The following HACE1 variants were observed in gnomAD, a reference collection of about 807,000 sequenced individuals.
The protein encoded by HACE1 is HECT domain and ankyrin repeat containing E3 ubiquitin protein ligase 1.
In HACE1, 73 loss-of-function variants were observed where a neutral mutation model predicts 118.4. The observed-to-expected ratio is 0.62, with a 90% CI of 0.51 to 0.75. HACE1 has a LOEUF of 0.75. Ranked by LOEUF, HACE1 falls within the 30% of genes least tolerant of loss-of-function variation. The probability of loss-of-function intolerance (pLI) is 0.00; values close to 1 mark genes in which losing one functional copy is unlikely to be tolerated. For missense variants in HACE1, 749 were observed against 1,102.2 expected, an observed-to-expected ratio of 0.68 and a Z score of 4.54; for synonymous variants, 368 against 374.8, an observed-to-expected ratio of 0.98 and a Z score of 0.21.
chr6:104,780,295 C>T, intron 14 of HACE1: 3 of 427,276 alleles, frequency 7.0e-6, no homozygotes, highest in Admixed American at 5.6e-5. Context: ...CACACACACA[C>T]ATACAAACAC....
At chr6:104,770,122 G>A (rs185466981) in intron 19 of HACE1, among the ~76,000 whole-genome samples, 1 of 151,988 alleles carries the variant, frequency 6.6e-6, no homozygotes, top group East Asian at 1.9e-4. Context: ...TAAATCTATA[G>A]TTTAAAAAAT....
chr6:104,771,406 T>A lies in HACE1; in HGVS notation c.2015-17A>T. The A allele has an allele frequency of 6.5e-7, 1 of 1,547,754 alleles. No homozygotes were observed. Among genetic ancestry groups the A allele is most frequent in the African/African-American group, 1.4e-5 (1 of 73,736 alleles). ...CAGGAATACCTAAAAAATGCAAACA[T>A]ACAGCAGTTATAGTCTGGTTTTGCC... On this transcript the variant is annotated splice_polypyrimidine_tract_variant and intron_variant, in intron 18 of 23. Transcript: ENST00000262903.
intron 5 of HACE1, among the ~76,000 whole-genome samples, chr6:104,841,931 C>A (rs940896141): frequency 6.6e-6 from 1 of 152,154 alleles, no homozygotes; most frequent in African/African-American, 2.4e-5. Flanking sequence ...ATATCCCATA[C>A]CACCTCCATG....
At chr6:104,758,066 A>G (rs1272815436) in intron 19 of HACE1, among the ~76,000 whole-genome samples, 1 of 152,198 alleles carries the variant, frequency 6.6e-6, no homozygotes, top group Non-Finnish European at 1.5e-5. Flanking sequence ...CCAAATATAC[A>G]TTTGATTGGT....
In HACE1 at chr6:104,849,375, C is replaced by G. The variant is rs369660108; in HGVS notation, c.222-129G>C. ...TGTTTTTCAGACAGTCTTGCTCTGTCGCCCATGCTGGAGTGCAGTGGCACC... is the reference window on the plus strand; with the variant it reads ...TGTTTTTCAGACAGTCTTGCTCTGTGGCCCATGCTGGAGTGCAGTGGCACC... On this transcript the variant is annotated intron_variant, in intron 3 of 23. Coordinates refer to ENST00000262903, the MANE Select transcript of HACE1 (RefSeq NM_020771.4). The G allele has an allele frequency of 2.1e-4, 153 of 711,896 alleles. No homozygotes were observed. In the African/African-American group the frequency reaches 2.2e-3, roughly 10 times the overall value. 44.1% of individuals were successfully genotyped at this position (711,896 alleles called of 1,614,324 possible). A position where few individuals can be genotyped will look rare whatever the true frequency, so the allele number is the denominator to read the frequency against.
chr6:104,756,521 C>A (rs916014495), intron 19 of HACE1, among the ~76,000 whole-genome samples: 1 of 151,490 alleles, frequency 6.6e-6, no homozygotes, highest in Non-Finnish European at 1.5e-5. Flanking sequence ...AATCCTATTA[C>A]TTCAGCTTCC....
Position 104,777,103 on chromosome 6 carries a change from A to G in HACE1, c.1686T>C (p.Ile562=), listed in dbSNP as rs149983249. The G allele has an allele frequency of 1.3e-4, 203 of 1,604,546 alleles. No homozygotes were observed. In the Middle Eastern group the frequency reaches 4.7e-3, roughly 37 times the overall value. The change falls in exon 16 of 24, where the codon ATT becomes ATC. Residue 562 remains isoleucine, a synonymous_variant. Transcript: ENST00000262903. ...NDILLVHRDS[I]FRSSCEVVSK... ...ACACAACTTCACAGCTACTCCTAAA[A>G]ATAGAATCTAAATATGTAGCATTGG...
intron 1 of HACE1, among the ~76,000 whole-genome samples, chr6:104,857,418 G>A (rs1193565258): frequency 6.6e-6 from 1 of 151,562 alleles, no homozygotes; most frequent in Non-Finnish European, 1.5e-5. Flanking sequence ...GGGCACTCTC[G>A]GACTGCTGGT....
intron 18 of HACE1, 116 bp downstream of exon 18, chr6:104,771,809 G>T: frequency 1.3e-6 from 1 of 766,756 alleles, no homozygotes; most frequent in Non-Finnish European, 2.2e-6. Flanking sequence ...ATACAGATGG[G>T]CTCCAATCAA....
rs1049013452 is a variant in HACE1 at position 104,804,093 on chromosome 6, A to T, written c.618-7068T>A. On this transcript the variant is annotated intron_variant, in intron 7 of 23. Coordinates refer to ENST00000262903, the MANE Select transcript of HACE1 (RefSeq NM_020771.4). ...TAACAGACAAACAGAGAGCCAAATC[A>T]TGAGTGAACTCCCATTCACAATTGC... 5.2e-4 allele frequency among the ~76,000 whole-genome samples: 79 copies of T among 152,330 alleles called. 1 individual carries two copies. The highest frequency in any genetic ancestry group is 1.6e-3 in the Admixed American group (25 of 15,304).
At chr6:104,843,048 T>C (rs957754966) in intron 5 of HACE1, among the ~76,000 whole-genome samples, 175 bp downstream of exon 5, 2 of 152,148 alleles carry the variant, frequency 1.3e-5, no homozygotes, top group Non-Finnish European at 2.9e-5. Context: ...GAGGCAGAGA[T>C]TGCAGTGAGC....
intron 22 of HACE1, among the ~76,000 whole-genome samples, chr6:104,738,293 C>A (rs1776173445): frequency 6.6e-6 from 1 of 152,130 alleles, no homozygotes; most frequent in South Asian, 2.1e-4. Context: ...AGTTCCTCAC[C>A]AGCAACGGAA....
chr6:104,765,857 C>T (rs1002164493), intron 19 of HACE1, among the ~76,000 whole-genome samples: 5 of 152,186 alleles, frequency 3.3e-5, no homozygotes, highest in Non-Finnish European at 7.3e-5. Flanking sequence ...TGGCACAGAA[C>T]GTCAACAGTT....
At chr6:104,748,641 G>A (rs1777706872) in intron 20 of HACE1, among the ~76,000 whole-genome samples, 1 of 152,126 alleles carries the variant, frequency 6.6e-6, no homozygotes, top group Non-Finnish European at 1.5e-5. Flanking sequence ...AGCAGTACTT[G>A]AAAGAGCCTG....
At chr6:104,846,726 G>T (rs1775704876) in intron 4 of HACE1, among the ~76,000 whole-genome samples, 2 of 152,254 alleles carry the variant, frequency 1.3e-5, no homozygotes, top group South Asian at 4.1e-4. Flanking sequence ...CTTCAGTGTG[G>T]ATAAATGTGA....
intron 1 of HACE1, among the ~76,000 whole-genome samples, chr6:104,852,908 ATTAGT>A (rs372603419): frequency 1.3e-4 from 20 of 152,230 alleles, no homozygotes; most frequent in Non-Finnish European, 2.2e-4. Flanking sequence ...TACAAAAGAA[ATTAGT>A]TTAGAAGCTT....
rs962616812 is a variant in HACE1 at position 104,750,470 on chromosome 6, C to T, written c.2214G>A (p.Ala738=). 37 of 1,613,032 alleles carry T rather than the reference C, an allele frequency of 2.3e-5. 1 individual carries two copies. Among genetic ancestry groups the T allele is most frequent in the East Asian group, 8.9e-5 (4 of 44,840 alleles). ...GTTCAGTAACAAGCTGGACGTACTCCGCCTGTTGAAAAAGAAGTTTTCATG... is the reference window on the plus strand; with the variant it reads ...GTTCAGTAACAAGCTGGACGTACTCTGCCTGTTGAAAAAGAAGTTTTCATG... ...GSILVTQNNK[A]EYVQLVTELR... Residue 738 remains alanine, a splice_region_variant and synonymous_variant, in exon 20 of 24, where the codon GCG becomes GCA. Coordinates refer to ENST00000262903, the MANE Select transcript of HACE1 (RefSeq NM_020771.4).
chr6:104,813,271 T>C (rs1771815881), intron 6 of HACE1, among the ~76,000 whole-genome samples: 1 of 138,158 alleles, frequency 7.2e-6, no homozygotes, highest in Non-Finnish European at 1.6e-5. Flanking sequence ...AAAGATCATT[T>C]AAGGCCAGGA....
At chr6:104,744,648 T>C in intron 20 of HACE1, 38 bp from the exon 21 acceptor site, 3 of 1,212,766 alleles carry the variant, frequency 2.5e-6, no homozygotes, top group Non-Finnish European at 3.7e-6. Flanking sequence ...TAATTTTCTT[T>C]AGGGAAAAAA....
Sources: allele counts gnomAD v4.1 joint callset (sites outside exome capture counted in the v4.1 genomes callset), GRCh38; gene constraint gnomAD v4.1.1; transcripts MANE v1.5; gene names NCBI Gene and HGNC (gene_info 2026-07-23, HGNC 2026-07-21).